DBNL: variants seen among roughly 807,000 people sequenced by gnomAD.
DBNL encodes drebrin like, also known as drebrin-like protein.
A neutral mutation model predicts 62.2 loss-of-function variants in DBNL; 35 were observed. The observed-to-expected ratio is 0.56, with a 90% CI of 0.43 to 0.75. The LOEUF is 0.75. Among genes scored for constraint, DBNL ranks in the 30% least tolerant of loss-of-function variants. The pLI is 0.00. For missense variants in DBNL, 495 were observed against 578.4 expected (o/e 0.86, Z 1.48); for synonymous variants, 197 against 218.0 (o/e 0.90, Z 0.85).
chr7:44,065,353 C>G lies in DBNL; in HGVS notation c.*4437C>G. 6.2e-7 allele frequency: 1 copy of G among 1,613,888 alleles called. No individual in the cohort carries two copies. The highest frequency in any genetic ancestry group is 8.5e-7 in the Non-Finnish European group (1 of 1,180,042). On this transcript the variant is annotated 3_prime_UTR_variant, in exon 13 of 13. Transcript: ENST00000448521. ...AGAGGGTGCGGATGGCCCGCTTCAG[C>G]ACTGACGTGTAGCAGATGTCAAACT...
At chr7:44,055,724 T>C (rs928267248) in intron 4 of DBNL, among the ~76,000 whole-genome samples, 4 of 152,370 alleles carry the variant, frequency 2.6e-5, no homozygotes, top group Admixed American at 1.3e-4. Context: ...GAGAAATATC[T>C]GTTAAGGTCT....
chr7:44,064,903 A>G lies in DBNL; in HGVS notation c.*3987A>G. On this transcript the variant is annotated 3_prime_UTR_variant, in exon 13 of 13. Transcript: ENST00000448521. ...AATGAGCACTCGCTTGCCGGCCTTG[A>G]TCTGGGGAACAATCTCCTCGTTCCA... 1 of 1,609,668 alleles carries G rather than the reference A, an allele frequency of 6.2e-7. No individual in the cohort carries two copies. Among genetic ancestry groups the G allele is most frequent in the Non-Finnish European group, 8.5e-7 (1 of 1,178,728 alleles).
chr7:44,057,095 G>T (rs969349237), intron 5 of DBNL, among the ~76,000 whole-genome samples, 192 bp downstream of exon 5: 2 of 152,238 alleles, frequency 1.3e-5, no homozygotes, highest in Non-Finnish European at 2.9e-5. Flanking sequence ...CTTGCCTAGG[G>T]GTTGGACTAG....
rs1189509152 is a variant in DBNL at position 44,063,271 on chromosome 7, TTTTTC to T, written c.*2365_*2369del. ...AGGGACACTCACCCTTTGTTTTTTT[TTTTTC>T]TTTTCTTTTTCTTTTTCTTTTTTTT... On this transcript the variant is annotated 3_prime_UTR_variant, in exon 13 of 13. Coordinates refer to ENST00000448521, the MANE Select transcript of DBNL (RefSeq NM_001014436.3). The T allele has an allele frequency of 5.9e-6, 2 of 336,682 alleles. No individual in the cohort carries two copies. Among genetic ancestry groups the T allele is most frequent in the African/African-American group, 2.1e-5 (1 of 47,152 alleles). 20.9% of individuals were successfully genotyped at this position (336,682 alleles called of 1,614,324 possible).
intron 4 of DBNL, 164 bp from the exon 5 acceptor site, chr7:44,056,593 G>T: frequency 2.0e-6 from 2 of 1,002,956 alleles, no homozygotes; most frequent in Non-Finnish European, 2.8e-6. Context: ...GAGCCCTTGA[G>T]GGGAACTCGT....
At chr7:44,051,744 A>G (rs17172569) in intron 2 of DBNL, 86 bp from the exon 3 acceptor site, 311,031 of 1,260,400 alleles carry the variant, frequency 0.25, 40,699 homozygotes, top group African/African-American at 0.43. Flanking sequence ...CTGGTTTAGA[A>G]GCAGCTCGGC....
At chr7:44,049,642 G>A (rs558048144) in intron 1 of DBNL, among the ~76,000 whole-genome samples, 1 of 152,258 alleles carries the variant, frequency 6.6e-6, no homozygotes, top group Non-Finnish European at 1.5e-5. Flanking sequence ...TGTGGTTTCT[G>A]ATAAACACAA....
At chr7:44,050,540 T>C in intron 2 of DBNL, 1 of 379,048 alleles carries the variant, frequency 2.6e-6, no homozygotes, top group South Asian at 2.6e-5. Context: ...CTCCAGCTTG[T>C]GGGCAGCCTG....
rs1259582457 is a variant in DBNL, at chr7:44,065,248, G to A, written c.*4332G>A. The A allele has an allele frequency of 6.2e-7, 1 of 1,613,822 alleles. No individual in the cohort carries two copies. The highest frequency in any genetic ancestry group is 1.1e-5 in the South Asian group (1 of 91,082). ...TTTCTGCCTTGTTGAGGCCTGTGAGGCCCCCGTAATGCCGCTCATTGAGGC... is the reference window on the plus strand; with the variant it reads ...TTTCTGCCTTGTTGAGGCCTGTGAGACCCCCGTAATGCCGCTCATTGAGGC... On this transcript the variant is annotated 3_prime_UTR_variant, in exon 13 of 13. Transcript: ENST00000448521.
At position 44,062,726 on chromosome 7, in the gene DBNL, CTG is replaced by C. The variant is rs1260532541; in HGVS notation, c.*1812_*1813del. On this transcript the variant is annotated 3_prime_UTR_variant, in exon 13 of 13. Transcript: ENST00000448521. ...ATGCACGGCTGCGCTGGACTCCAGG[CTG>C]TTGGGGGAGGTGCCTTTATTGCCCA... The C allele has an allele frequency of 6.8e-6, 11 of 1,609,700 alleles. No individual in the cohort carries two copies. Among genetic ancestry groups the C allele is most frequent in the Non-Finnish European group, 9.3e-6 (11 of 1,177,184 alleles).
chr7:44,063,055 G>T lies in DBNL; in HGVS notation c.*2139G>T. 1 of 1,015,352 alleles carries T rather than the reference G, an allele frequency of 9.8e-7. No individual in the cohort carries two copies. The highest frequency in any genetic ancestry group is 1.5e-6 in the Non-Finnish European group (1 of 651,408). 62.9% of individuals were successfully genotyped at this position (1,015,352 alleles called of 1,614,324 possible). A position where few individuals can be genotyped will look rare whatever the true frequency, so the allele number is the denominator to read the frequency against. ...GGCACCAATTCCTTCCCAGCCCTGA[G>T]AACGAGGCCACAGAAATGTTGCCAA... On this transcript the variant is annotated 3_prime_UTR_variant, in exon 13 of 13. Transcript: ENST00000448521.
Position 44,061,019 on chromosome 7 carries a change from C to A in DBNL, c.*103C>A. On this transcript the variant is annotated 3_prime_UTR_variant, in exon 13 of 13. Coordinates refer to ENST00000448521, the MANE Select transcript of DBNL (RefSeq NM_001014436.3). ...TTCAGCACTCTTCCAGGAATAGGAC[C>A]CCCAGTGAGGATGAGGCCTCAGGGC... The A allele has an allele frequency of 6.9e-7, 1 of 1,459,288 alleles. No individual in the cohort carries two copies. Among genetic ancestry groups the A allele is most frequent in the Non-Finnish European group, 9.1e-7 (1 of 1,096,958 alleles). The allele number at this position is 1,459,288 out of a possible 1,614,324, so 90.4% of individuals were successfully genotyped here.
chr7:44,064,599 G>A lies in DBNL; in HGVS notation c.*3683G>A. On this transcript the variant is annotated 3_prime_UTR_variant, in exon 13 of 13. Coordinates refer to ENST00000448521, the MANE Select transcript of DBNL (RefSeq NM_001014436.3). Reference sequence around the variant, plus strand: ...ACCTTTGGAGCCTGCCCCACCTCGGGACACAGCGAGCTTCGAGTGCAGTCA... The same window carrying A: ...ACCTTTGGAGCCTGCCCCACCTCGGAACACAGCGAGCTTCGAGTGCAGTCA... The A allele has an allele frequency of 1.8e-6, 1 of 571,418 alleles. No homozygotes were observed. The highest frequency in any genetic ancestry group is 3.1e-6 in the Non-Finnish European group (1 of 318,182). The allele number at this position is 571,418 out of a possible 1,614,324, so 35.4% of individuals were successfully genotyped here.
chr7:44,065,018 G>C lies in DBNL; in HGVS notation c.*4102G>C. 1 of 1,606,688 alleles carries C rather than the reference G, an allele frequency of 6.2e-7. No homozygotes were observed. The highest frequency in any genetic ancestry group is 8.5e-7 in the Non-Finnish European group (1 of 1,179,582). On this transcript the variant is annotated 3_prime_UTR_variant, in exon 13 of 13. Coordinates refer to ENST00000448521, the MANE Select transcript of DBNL (RefSeq NM_001014436.3). ...AGGCCTGCGTACCGACGCTCCTGGG[G>C]GACACAGGCACGCTGCTTTCCCTCC...
intron 4 of DBNL, among the ~76,000 whole-genome samples, chr7:44,055,303 TA>T (rs996728904): frequency 6.6e-6 from 1 of 152,050 alleles, no homozygotes; most frequent in Non-Finnish European, 1.5e-5. Flanking sequence ...CCGTCTCTAC[TA>T]AAAAAATACA....
Position 44,060,927 on chromosome 7 carries a change from A to G in DBNL, c.*11A>G. 2 of 1,611,458 alleles carry G rather than the reference A, an allele frequency of 1.2e-6. No individual in the cohort carries two copies. Among genetic ancestry groups the G allele is most frequent in the Non-Finnish European group, 1.7e-6 (2 of 1,178,422 alleles). On this transcript the variant is annotated 3_prime_UTR_variant, in exon 13 of 13. Transcript: ENST00000448521. The surrounding 1 kb of genome is among the most constrained non-coding windows in gnomAD (Gnocchi z 6.3). ...GAGCTCATTGAGTGAGGCTGAGGGC[A>G]CATCTTGCCCTTCCCCTCTCAGACA...
chr7:44,045,124 G>A (rs2047909067), intron 1 of DBNL, among the ~76,000 whole-genome samples: 1 of 152,192 alleles, frequency 6.6e-6, no homozygotes, highest in Admixed American at 6.5e-5. Flanking sequence ...TTGGATCCTC[G>A]GCCTGGTCGT....
chr7:44,046,660 C>T (rs1257684298), intron 1 of DBNL, among the ~76,000 whole-genome samples: 1 of 152,236 alleles, frequency 6.6e-6, no homozygotes, highest in Admixed American at 6.5e-5. Flanking sequence ...GGTTGTGTCA[C>T]TCAGCAGCAT....
chr7:44,066,008 G>A lies in DBNL; in HGVS notation c.*5092G>A, dbSNP rs546829354. 75 of 271,298 alleles carry A rather than the reference G, an allele frequency of 2.8e-4. No individual in the cohort carries two copies. The highest frequency in any genetic ancestry group is 1.4e-3 in the Middle Eastern group (1 of 716). The allele number at this position is 271,298 out of a possible 1,614,324, so 16.8% of individuals were successfully genotyped here. A position where few individuals can be genotyped will look rare whatever the true frequency, so the allele number is the denominator to read the frequency against. On this transcript the variant is annotated 3_prime_UTR_variant, in exon 13 of 13. Coordinates refer to ENST00000448521, the MANE Select transcript of DBNL (RefSeq NM_001014436.3). ...CAGGCTAGGAGGCGGCCCTCAGCAG[G>A]CAGAGGAGGAGAGCCAGAGGAGCTG...
Sources: allele counts gnomAD v4.1 joint callset (sites outside exome capture counted in the v4.1 genomes callset), GRCh38; gene constraint gnomAD v4.1.1; non-coding constraint Gnocchi (gnomAD v3.1); transcripts MANE v1.5; gene names NCBI Gene and HGNC (gene_info 2026-07-23, HGNC 2026-07-21).